Variants in EYS observed in about 807,000 individuals in gnomAD.
EYS encodes the protein protein eyes shut homolog.
Under a neutral mutation model 282.1 loss-of-function variants are expected in EYS, and 250 were observed. That is an observed-to-expected ratio of 0.89 (90% confidence interval 0.80 to 0.98). The LOEUF is 0.98. Among genes scored for constraint, EYS ranks in the 50% least tolerant of loss-of-function variants. The pLI, the probability that EYS is intolerant of heterozygous loss-of-function variation, is 0.00. For synonymous variants in EYS, 1,355 were observed against 1,282.9 expected, an observed-to-expected ratio of 1.06 and a Z score of -1.20; for missense variants, 4,016 against 3,709.0, an observed-to-expected ratio of 1.08 and a Z score of -2.15.
chr6:64,341,408 C>T (rs1359484605), intron 29 of EYS, among the ~76,000 whole-genome samples: 1 of 151,772 alleles, frequency 6.6e-6, no homozygotes, highest in Non-Finnish European at 1.5e-5. Flanking sequence ...ATGGATATGG[C>T]TGGAGGCCAT....
At chr6:64,322,648 T>A (rs1370658967) in intron 29 of EYS, among the ~76,000 whole-genome samples, 1 of 152,016 alleles carries the variant, frequency 6.6e-6, no homozygotes, top group Non-Finnish European at 1.5e-5. Flanking sequence ...GGTGAAGTAT[T>A]GAAACTCAGG....
At chr6:64,820,349 T>G (rs1764863617) in intron 21 of EYS, among the ~76,000 whole-genome samples, 1 of 152,116 alleles carries the variant, frequency 6.6e-6, no homozygotes, top group Non-Finnish European at 1.5e-5. Flanking sequence ...TATACATACA[T>G]ATGTCAAAAA....
intron 35 of EYS, among the ~76,000 whole-genome samples, chr6:63,908,032 ACGTTTGTGTG>A (rs1482103995): frequency 5.1e-4 from 24 of 47,450 alleles, no homozygotes; most frequent in African/African-American, 2.7e-3. Context: ...ATATATATAT[ACGTTTGTGTG>A]TGTGTGTGTG....
chr6:64,694,703 A>G (rs1271764354), intron 22 of EYS, among the ~76,000 whole-genome samples: 1 of 152,124 alleles, frequency 6.6e-6, no homozygotes, highest in Non-Finnish European at 1.5e-5. Flanking sequence ...CATAACTAGA[A>G]CTGAGAGGTA....
At chr6:64,890,056 C>T (rs182752509) in intron 18 of EYS, among the ~76,000 whole-genome samples, 118 of 139,152 alleles carry the variant, frequency 8.5e-4, no homozygotes, top group Non-Finnish European at 1.5e-3. Context: ...CCCCCCCCCC[C>T]CAAGGTGTGC....
At chr6:65,381,455 G>C (rs555880788) in intron 8 of EYS, among the ~76,000 whole-genome samples, 3 of 151,818 alleles carry the variant, frequency 2.0e-5, no homozygotes, top group Non-Finnish European at 4.4e-5. Flanking sequence ...ATCACACACC[G>C]AGGCCTGTCG....
intron 22 of EYS, among the ~76,000 whole-genome samples, chr6:64,771,446 A>G (rs1773519732): frequency 6.6e-6 from 1 of 151,654 alleles, no homozygotes; most frequent in African/African-American, 2.4e-5. Flanking sequence ...TTATTTTGGA[A>G]TTAATTTGTT....
chr6:64,396,731 T>TG (rs1773391873), intron 28 of EYS, among the ~76,000 whole-genome samples: 1 of 152,112 alleles, frequency 6.6e-6, no homozygotes, highest in South Asian at 2.1e-4. Context: ...TCCATATATA[T>TG]GTAGGTCTGT....
intron 29 of EYS, among the ~76,000 whole-genome samples, chr6:64,383,409 T>C (rs1772813960): frequency 1.3e-5 from 2 of 152,200 alleles, no homozygotes; most frequent in South Asian, 4.1e-4. Context: ...TCTTATTGGA[T>C]GAGTCTGCAT....
In EYS at chr6:65,355,061, T is replaced by C. The variant is rs984854982; in HGVS notation, c.1300-1444A>G. 3.9e-5 allele frequency among the ~76,000 whole-genome samples: 6 copies of C among 152,096 alleles called. 1 individual carries two copies. In the South Asian group the frequency reaches 1.0e-3, roughly 26 times the overall value. On this transcript the variant is annotated intron_variant, in intron 8 of 42. Coordinates refer to ENST00000503581, the MANE Select transcript of EYS (RefSeq NM_001142800.2). ...TATTGGATTTGGGTCCTCATTGTGATAGAAAATATGAAGGCCTAATGAATT... is the reference window on the plus strand; with the variant it reads ...TATTGGATTTGGGTCCTCATTGTGACAGAAAATATGAAGGCCTAATGAATT...
chr6:64,151,231 T>A (rs1161188243), intron 31 of EYS, among the ~76,000 whole-genome samples: 1 of 148,138 alleles, frequency 6.8e-6, no homozygotes, highest in Non-Finnish European at 1.5e-5. Context: ...TAAAGAATGT[T>A]TGTTAAAGTT....
At chr6:63,878,090 C>G (rs321490) in intron 35 of EYS, among the ~76,000 whole-genome samples, 73,680 of 152,028 alleles carry the variant, frequency 0.48, 19,731 homozygotes, top group Non-Finnish European at 0.59. Context: ...GCTCTGGTTT[C>G]TCCCTATCTT....
chr6:64,600,959 T>C (rs1156497039), intron 24 of EYS, among the ~76,000 whole-genome samples: 1 of 152,128 alleles, frequency 6.6e-6, no homozygotes, highest in Admixed American at 6.6e-5. Context: ...ATAGTGAAAT[T>C]CCAGAAATCC....
intron 14 of EYS, among the ~76,000 whole-genome samples, chr6:64,964,033 C>A (rs1028567549): frequency 2.0e-5 from 3 of 152,006 alleles, no homozygotes; most frequent in African/African-American, 7.2e-5. Context: ...TGGTTATCAA[C>A]TGGATTTTAT....
intron 12 of EYS, among the ~76,000 whole-genome samples, chr6:65,197,143 G>A (rs1259865970): frequency 1.3e-5 from 2 of 152,016 alleles, no homozygotes; most frequent in Non-Finnish European, 2.9e-5. Flanking sequence ...AATACAGGAC[G>A]GTATTGAAGA....
At chr6:64,143,432 A>G (rs1225546349) in intron 31 of EYS, among the ~76,000 whole-genome samples, 1 of 150,134 alleles carries the variant, frequency 6.7e-6, no homozygotes, top group Non-Finnish European at 1.5e-5. Flanking sequence ...GTGCATATGG[A>G]GGAATAAGAA....
At chr6:64,656,083 A>C (rs1768732607) in intron 22 of EYS, among the ~76,000 whole-genome samples, 1 of 152,162 alleles carries the variant, frequency 6.6e-6, no homozygotes, top group Non-Finnish European at 1.5e-5. Flanking sequence ...GTATTTGTCA[A>C]TTACCTATTA....
At chr6:65,081,761 G>A (rs1774235842) in intron 12 of EYS, among the ~76,000 whole-genome samples, 2 of 151,946 alleles carry the variant, frequency 1.3e-5, no homozygotes, top group Non-Finnish European at 2.9e-5. Context: ...TACTAAACAT[G>A]GGTCACAATT....
intron 12 of EYS, among the ~76,000 whole-genome samples, chr6:65,254,923 C>G (rs1407415948): frequency 6.6e-6 from 1 of 151,790 alleles, no homozygotes; most frequent in Admixed American, 6.6e-5. Context: ...ATAAACCATG[C>G]TCATAATGTT....
Sources: allele counts gnomAD v4.1 joint callset (sites outside exome capture counted in the v4.1 genomes callset), GRCh38; gene constraint gnomAD v4.1.1; transcripts MANE v1.5; gene names NCBI Gene and HGNC (gene_info 2026-07-23, HGNC 2026-07-21).